Variants in PTPRO observed in about 807,000 individuals in gnomAD.
PTPRO encodes the protein receptor-type tyrosine-protein phosphatase O.
In PTPRO, 62 loss-of-function variants were observed where a neutral mutation model predicts 145.2. That is an observed-to-expected ratio of 0.43 (90% confidence interval 0.35 to 0.53). The LOEUF is 0.53. Ranked by LOEUF, PTPRO falls within the 20% of genes least tolerant of loss-of-function variation. PTPRO has a pLI of 0.01. For synonymous variants in PTPRO, 565 were observed against 514.7 expected, an observed-to-expected ratio of 1.10 and a Z score of -1.32; for missense variants, 1,345 against 1,482.7, an observed-to-expected ratio of 0.91 and a Z score of 1.53.
chr12:15,334,662 TTC>T (rs1279984147), intron 1 of PTPRO, among the ~76,000 whole-genome samples: 11 of 152,248 alleles, frequency 7.2e-5, no homozygotes, highest in Non-Finnish European at 1.5e-5. Context: ...TTAATTTTGT[TTC>T]TGTTTGTTGG....
intron 1 of PTPRO, among the ~76,000 whole-genome samples, chr12:15,470,184 G>A (rs908297736): frequency 6.6e-6 from 1 of 152,188 alleles, no homozygotes; most frequent in Admixed American, 6.5e-5. Flanking sequence ...AGATATGAAA[G>A]GTAGCATTTG....
chr12:15,328,302 C>A (rs773656527), intron 1 of PTPRO, among the ~76,000 whole-genome samples: 5 of 152,020 alleles, frequency 3.3e-5, no homozygotes, highest in Non-Finnish European at 7.4e-5. Context: ...AAGATCATAT[C>A]TTAGCCTTGT....
intron 7 of PTPRO, among the ~76,000 whole-genome samples, chr12:15,515,008 G>T (rs934360743): frequency 6.6e-6 from 1 of 151,628 alleles, no homozygotes; most frequent in Non-Finnish European, 1.5e-5. Flanking sequence ...CAAATGATCT[G>T]CCTGCCTTGG....
intron 1 of PTPRO, among the ~76,000 whole-genome samples, chr12:15,360,059 G>A (rs555915432): frequency 1.3e-5 from 2 of 152,184 alleles, no homozygotes; most frequent in African/African-American, 2.4e-5. Context: ...TCAACTTATC[G>A]CAGAGATTAT....
rs764220239 is a variant in PTPRO at position 15,503,904 on chromosome 12, T to G, written c.1106-4T>G. ...GTATCTTCTCTTTTTTATATATGAT[T>G]TAGAGAACTTTACTGAATATTTGAT... On this transcript the variant is annotated splice_polypyrimidine_tract_variant and splice_region_variant and intron_variant, in intron 5 of 26. Coordinates refer to ENST00000281171, the MANE Select transcript of PTPRO (RefSeq NM_030667.3). 1.3e-6 allele frequency: 2 copies of G among 1,564,306 alleles called. No homozygotes were observed. The highest frequency in any genetic ancestry group is 1.8e-6 in the Non-Finnish European group (2 of 1,135,730).
At chr12:15,577,294 T>A (rs1273940631) in intron 19 of PTPRO, among the ~76,000 whole-genome samples, 3 of 152,236 alleles carry the variant, frequency 2.0e-5, no homozygotes, top group African/African-American at 7.2e-5. Flanking sequence ...TGTTGGTTCA[T>A]CCATGTTGGC....
chr12:15,546,602 A>G lies in PTPRO; in HGVS notation c.2198A>G (p.Asn733Ser), dbSNP rs750665564. Residue 733 changes from asparagine to serine, a missense_variant, in exon 13 of 27, where the codon AAC becomes AGC. By Grantham distance (46) the Asn-to-Ser change is conservative. Coordinates refer to ENST00000281171, the MANE Select transcript of PTPRO (RefSeq NM_030667.3). Reference sequence around the variant, plus strand: ...CCACCCAAATCACTCTTCGCAGTGAACAAAACCCAGACTTCAGTGACTTTG... The same window carrying G: ...CCACCCAAATCACTCTTCGCAGTGAGCAAAACCCAGACTTCAGTGACTTTG... ...PAPPKSLFAV[N>S]KTQTSVTLLW... 2.5e-6 allele frequency: 4 copies of G among 1,612,700 alleles called. No homozygotes were observed. Among genetic ancestry groups the G allele is most frequent in the Non-Finnish European group, 3.4e-6 (4 of 1,179,280 alleles).
intron 7 of PTPRO, among the ~76,000 whole-genome samples, chr12:15,513,147 GA>G (rs760592216): frequency 3.0e-5 from 1 of 33,870 alleles, no homozygotes; most frequent in Non-Finnish European, 6.3e-5. Flanking sequence ...AAGGAAGAAA[GA>G]AAGAAAGAAA....
intron 7 of PTPRO, among the ~76,000 whole-genome samples, chr12:15,511,425 A>G (rs562481966): frequency 6.6e-6 from 1 of 152,346 alleles, no homozygotes; most frequent in Non-Finnish European, 1.5e-5. Context: ...ATTTATTACC[A>G]AGTCAGGTAA....
intron 1 of PTPRO, among the ~76,000 whole-genome samples, chr12:15,373,921 T>A (rs1938605016): frequency 6.6e-6 from 1 of 152,162 alleles, no homozygotes; most frequent in African/African-American, 2.4e-5. Flanking sequence ...TACTCACAAA[T>A]GTATATTTTG....
intron 13 of PTPRO, among the ~76,000 whole-genome samples, 175 bp from the exon 14 acceptor site, chr12:15,548,919 A>G (rs546401514): frequency 1.9e-4 from 29 of 152,292 alleles, no homozygotes; most frequent in Admixed American, 1.5e-3. Context: ...GCTTCCATGG[A>G]AGGGAATTGG....
At chr12:15,495,504 G>A (rs1251050769) in intron 2 of PTPRO, among the ~76,000 whole-genome samples, 1 of 151,652 alleles carries the variant, frequency 6.6e-6, no homozygotes, top group East Asian at 1.9e-4. Context: ...CTTTAGGTCA[G>A]CCTATAGATG....
intron 17 of PTPRO, among the ~76,000 whole-genome samples, 155 bp downstream of exon 17, chr12:15,560,431 T>C (rs1175170373): frequency 6.6e-6 from 1 of 152,146 alleles, no homozygotes; most frequent in Non-Finnish European, 1.5e-5. Flanking sequence ...CAGTTACCGG[T>C]ACAAAGATAT....
At chr12:15,502,721 G>A (rs780856731) in intron 5 of PTPRO, among the ~76,000 whole-genome samples, 50 of 152,170 alleles carry the variant, frequency 3.3e-4, no homozygotes, top group Non-Finnish European at 6.3e-4. Context: ...GGAAAGTAGA[G>A]CCATGACTTT....
chr12:15,476,217 G>A (rs74684617), intron 1 of PTPRO, among the ~76,000 whole-genome samples: 202 of 152,210 alleles, frequency 1.3e-3, no homozygotes, highest in Non-Finnish European at 2.0e-3. Flanking sequence ...TCCTTAAGAG[G>A]AAGGGAAGAT....
At chr12:15,440,461 A>T (rs1940732271) in intron 1 of PTPRO, 1 of 222,878 alleles carries the variant, frequency 4.5e-6, no homozygotes, top group African/African-American at 2.4e-5. Context: ...TACAAGGCTC[A>T]TCAGTCTGCT....
intron 1 of PTPRO, among the ~76,000 whole-genome samples, chr12:15,409,687 G>T (rs915193843): frequency 6.6e-6 from 1 of 152,060 alleles, no homozygotes; most frequent in African/African-American, 2.4e-5. Flanking sequence ...TGGTAGAAGG[G>T]GAAGCAGAAG....
At chr12:15,380,728 C>T (rs1382685560) in intron 1 of PTPRO, among the ~76,000 whole-genome samples, 1 of 152,092 alleles carries the variant, frequency 6.6e-6, no homozygotes, top group Non-Finnish European at 1.5e-5. Context: ...AAATACGTAA[C>T]CTCTACTGCA....
At chr12:15,504,290 T>C (rs1942277709) in intron 6 of PTPRO, among the ~76,000 whole-genome samples, 1 of 152,166 alleles carries the variant, frequency 6.6e-6, no homozygotes, top group Non-Finnish European at 1.5e-5. Context: ...AGGATTTTTT[T>C]TTTACTATTG....
Sources: allele counts gnomAD v4.1 joint callset (sites outside exome capture counted in the v4.1 genomes callset), GRCh38; gene constraint gnomAD v4.1.1; transcripts MANE v1.5; gene names NCBI Gene and HGNC (gene_info 2026-07-23, HGNC 2026-07-21).